Variants in KCNT2 observed in about 807,000 individuals in gnomAD.
KCNT2 encodes the protein potassium sodium-activated channel subfamily T member 2.
A neutral mutation model predicts 153.8 loss-of-function variants in KCNT2; 67 were observed. The ratio of observed to expected loss-of-function variants is 0.44; its 90% CI spans 0.36 to 0.53. The LOEUF (loss-of-function observed/expected upper bound fraction) is 0.53, where lower values mean the gene tolerates loss of function less well. Ranked by LOEUF, KCNT2 falls within the 20% of genes least tolerant of loss-of-function variation. The pLI, the probability that KCNT2 is intolerant of heterozygous loss-of-function variation, is 0.00. For missense variants in KCNT2, 975 were observed against 1,354.8 expected, an observed-to-expected ratio of 0.72 and a Z score of 4.40; for synonymous variants, 500 against 458.8, an observed-to-expected ratio of 1.09 and a Z score of -1.15.
At chr1:196,443,194 T>C (rs1303776654) in intron 8 of KCNT2, among the ~76,000 whole-genome samples, 1 of 151,552 alleles carries the variant, frequency 6.6e-6, no homozygotes, top group Non-Finnish European at 1.5e-5. Context: ...TGGGAAGAAA[T>C]ACAAATTTTA....
intron 14 of KCNT2, among the ~76,000 whole-genome samples, 183 bp from the exon 15 acceptor site, chr1:196,342,411 T>A (rs1275191135): frequency 8.7e-5 from 11 of 126,480 alleles, no homozygotes; most frequent in African/African-American, 2.9e-4. Context: ...TTCTAAAAAA[T>A]TTTGAATACT....
At chr1:196,439,192 T>C (rs1284476353) in intron 8 of KCNT2, among the ~76,000 whole-genome samples, 2 of 151,982 alleles carry the variant, frequency 1.3e-5, no homozygotes, top group Non-Finnish European at 2.9e-5. Flanking sequence ...CTTTGGTTAA[T>C]ATCTGTTTTA....
chr1:196,387,923 A>G (rs896902284), intron 13 of KCNT2, among the ~76,000 whole-genome samples: 1 of 140,976 alleles, frequency 7.1e-6, no homozygotes, highest in African/African-American at 2.6e-5. Context: ...ATGAAAGCCA[A>G]TTTTTCTTTT....
chr1:196,546,545 G>A (rs571409596), intron 1 of KCNT2, among the ~76,000 whole-genome samples: 1 of 151,964 alleles, frequency 6.6e-6, no homozygotes, highest in Non-Finnish European at 1.5e-5. Flanking sequence ...TCACAGCTCA[G>A]AACATGCCTT....
chr1:196,312,544 C>A (rs1662291513), intron 21 of KCNT2, among the ~76,000 whole-genome samples: 1 of 151,688 alleles, frequency 6.6e-6, no homozygotes, highest in Non-Finnish European at 1.5e-5. Flanking sequence ...TCAAAATAAA[C>A]AATGTGATAC....
intron 25 of KCNT2, among the ~76,000 whole-genome samples, chr1:196,277,412 G>A (rs1658670210): frequency 6.6e-6 from 1 of 152,136 alleles, no homozygotes; most frequent in Admixed American, 6.6e-5. Context: ...ATCTGCTGAA[G>A]TGTAAAGCGT....
chr1:196,561,611 A>C (rs7529118), intron 1 of KCNT2, among the ~76,000 whole-genome samples: 1 of 133,132 alleles, frequency 7.5e-6, no homozygotes, highest in East Asian at 2.3e-4. Flanking sequence ...CTGAGATCAC[A>C]CCACTGCACT....
intron 1 of KCNT2, among the ~76,000 whole-genome samples, chr1:196,589,122 T>C (rs1421131243): frequency 1.3e-5 from 2 of 151,976 alleles, no homozygotes; most frequent in South Asian, 2.1e-4. Flanking sequence ...TACTTAGAAA[T>C]ACATGTCACA....
intron 16 of KCNT2, 97 bp from the exon 17 acceptor site, chr1:196,334,157 A>AAT (rs200438575): frequency 1.5e-5 from 10 of 686,808 alleles, no homozygotes; most frequent in African/African-American, 7.2e-5. Flanking sequence ...AAACACAATA[A>AAT]ATATATATAT....
At chr1:196,239,903 C>T (rs1034475688) in intron 26 of KCNT2, among the ~76,000 whole-genome samples, 3 of 151,866 alleles carry the variant, frequency 2.0e-5, no homozygotes, top group Non-Finnish European at 4.4e-5. Flanking sequence ...AGAAGAGATA[C>T]CAGGAGTAAA....
intron 5 of KCNT2, among the ~76,000 whole-genome samples, chr1:196,473,645 A>T (rs1481924089): frequency 9.2e-5 from 14 of 152,218 alleles, no homozygotes; most frequent in Non-Finnish European, 8.8e-5. Context: ...ATATGCATTG[A>T]GTTTAATTCT....
At chr1:196,387,361 T>C (rs1435035283) in intron 13 of KCNT2, among the ~76,000 whole-genome samples, 1 of 151,992 alleles carries the variant, frequency 6.6e-6, no homozygotes, top group Admixed American at 6.6e-5. Context: ...ATCACTCATA[T>C]CTGCATTCAT....
chr1:196,360,593 T>C (rs1169959498), intron 14 of KCNT2, among the ~76,000 whole-genome samples: 1 of 152,084 alleles, frequency 6.6e-6, no homozygotes, highest in Non-Finnish European at 1.5e-5. Flanking sequence ...AAATTGAGAC[T>C]GTTGAGGTGG....
chr1:196,331,166 C>A lies in KCNT2; in HGVS notation c.2093G>T (p.Arg698Ile). Reference sequence around the variant, plus strand: ...TCAACAAGTACTTACCTTGTCTAATCTTAAGCAGCAAAATGGTACTTTTTC... The same window carrying A: ...TCAACAAGTACTTACCTTGTCTAATATTAAGCAGCAAAATGGTACTTTTTC... ...LHEKVPFCCL[R>I]LDKSCQHNYY... Residue 698 changes from arginine (R) to isoleucine (I), a missense_variant, in exon 18 of 28, where the codon AGA becomes ATA. By Grantham distance (97) the Arg-to-Ile change is moderately conservative. This residue lies in a region of KCNT2 where 325 missense variants were observed against 388.1 expected (regional missense o/e 0.84). Coordinates refer to ENST00000294725, the MANE Select transcript of KCNT2 (RefSeq NM_198503.5). 2 of 1,586,502 alleles carry A rather than the reference C, an allele frequency of 1.3e-6. No homozygotes were observed. Among genetic ancestry groups the A allele is most frequent in the Non-Finnish European group, 1.7e-6 (2 of 1,155,296 alleles).
chr1:196,302,405 G>A (rs1454549184), intron 22 of KCNT2, among the ~76,000 whole-genome samples: 2 of 151,946 alleles, frequency 1.3e-5, no homozygotes, highest in African/African-American at 2.4e-5. Flanking sequence ...AAGTAATATC[G>A]ACTGGGTGTT....
intron 12 of KCNT2, among the ~76,000 whole-genome samples, chr1:196,411,462 A>AC (rs1328893101): frequency 6.7e-6 from 1 of 150,080 alleles, no homozygotes; most frequent in Non-Finnish European, 1.5e-5. Context: ...AAAAAAAAAA[A>AC]AAAAAAACGG....
chr1:196,286,192 G>A (rs1472078592), intron 22 of KCNT2, among the ~76,000 whole-genome samples: 1 of 152,128 alleles, frequency 6.6e-6, no homozygotes, highest in Non-Finnish European at 1.5e-5. Flanking sequence ...CTGAATGTTT[G>A]TGTCCCCTCA....
At chr1:196,283,976 A>G (rs1659378257) in intron 23 of KCNT2, among the ~76,000 whole-genome samples, 1 of 151,550 alleles carries the variant, frequency 6.6e-6, no homozygotes, top group African/African-American at 2.4e-5. Flanking sequence ...CACACCTGTA[A>G]TCTCAGCACT....
At chr1:196,415,688 C>T (rs899719450) in intron 12 of KCNT2, among the ~76,000 whole-genome samples, 1 of 151,864 alleles carries the variant, frequency 6.6e-6, no homozygotes, top group Non-Finnish European at 1.5e-5. Flanking sequence ...TACATCCAAA[C>T]ATAAAACAAT....
Sources: allele counts gnomAD v4.1 joint callset (sites outside exome capture counted in the v4.1 genomes callset), GRCh38; gene constraint gnomAD v4.1.1; regional missense constraint gnomAD v4.1.1; transcripts MANE v1.5; gene names NCBI Gene and HGNC (gene_info 2026-07-23, HGNC 2026-07-21).